Variants in IL1RAPL1 observed in about 807,000 individuals in gnomAD.
IL1RAPL1 encodes interleukin 1 receptor accessory protein like 1.
IL1RAPL1 carries 3 observed loss-of-function variants against 48.4 expected under a neutral mutation model. The observed-to-expected ratio is 0.06, with a 90% confidence interval of 0.03 to 0.16. The LOEUF (loss-of-function observed/expected upper bound fraction) is 0.16, where lower values mean the gene tolerates loss of function less well. IL1RAPL1 is among the 10% of genes least tolerant of loss of function. The pLI is 1.00. For missense variants in IL1RAPL1, 349 were observed against 530.6 expected (o/e 0.66, Z 3.36); for synonymous variants, 185 against 187.7 (o/e 0.99, Z 0.12).
chrX:28,888,466 C>G (rs181379782), intron 2 of IL1RAPL1, among the ~76,000 whole-genome samples: 1 of 110,998 alleles, frequency 9.0e-6, no homozygotes, highest in East Asian at 2.8e-4. Context: ...TGTCTGGTCT[C>G]GTTTTGATAT....
intron 6 of IL1RAPL1, among the ~76,000 whole-genome samples, chrX:29,718,626 T>C (rs1401904221): frequency 2.2e-5 from 2 of 90,304 alleles, no homozygotes; most frequent in Non-Finnish European, 2.1e-5. Flanking sequence ...AAAAAAAGAA[T>C]GTGCTCTCAG....
At chrX:28,934,501 G>T (rs1405140941) in intron 2 of IL1RAPL1, among the ~76,000 whole-genome samples, 1 of 110,693 alleles carries the variant, frequency 9.0e-6, no homozygotes, top group Non-Finnish European at 1.9e-5. Flanking sequence ...ACCCCCAAAT[G>T]AAACAATGTA....
chrX:29,256,606 A>G (rs992636033), intron 2 of IL1RAPL1, among the ~76,000 whole-genome samples: 4 of 111,732 alleles, frequency 3.6e-5, no homozygotes, highest in Admixed American at 9.5e-5. Context: ...TAGAGCTACT[A>G]TAAGTAGTCT....
intron 3 of IL1RAPL1, among the ~76,000 whole-genome samples, chrX:29,335,273 CGGA>C (rs1391234391): frequency 1.3e-4 from 2 of 15,730 alleles, no homozygotes; most frequent in African/African-American, 2.2e-4. Context: ...GAGACGGAGA[CGGA>C]GAGGGGAGAG....
At chrX:29,174,190 C>A (rs1003483374) in intron 2 of IL1RAPL1, among the ~76,000 whole-genome samples, 2 of 111,318 alleles carry the variant, frequency 1.8e-5, no homozygotes, top group African/African-American at 3.3e-5. Flanking sequence ...TCCCAAAGTG[C>A]TGGGATTACA....
At chrX:29,912,082 TATTTCTATA>T (rs1932761214) in intron 6 of IL1RAPL1, among the ~76,000 whole-genome samples, 1 of 112,194 alleles carries the variant, frequency 8.9e-6, no homozygotes, top group African/African-American at 3.2e-5. Flanking sequence ...ATTTTTTTTG[TATTTCTATA>T]ATTTAATTTT....
At chrX:29,398,489 C>G (rs1316270931) in intron 4 of IL1RAPL1, among the ~76,000 whole-genome samples, 1 of 111,665 alleles carries the variant, frequency 9.0e-6, no homozygotes, top group African/African-American at 3.2e-5. Flanking sequence ...AATTCAGAGA[C>G]CATAATTTGC....
intron 1 of IL1RAPL1, among the ~76,000 whole-genome samples, chrX:28,632,790 A>G (rs746097747): frequency 2.4e-4 from 27 of 110,616 alleles, no homozygotes; most frequent in African/African-American, 6.9e-4. Flanking sequence ...TTTAATATCT[A>G]TCTTTATACA....
intron 5 of IL1RAPL1, among the ~76,000 whole-genome samples, chrX:29,637,617 C>G (rs1185886737): frequency 9.0e-6 from 1 of 111,300 alleles, no homozygotes; most frequent in Non-Finnish European, 1.9e-5. Flanking sequence ...TTTCCTTGAT[C>G]TCTTTAAGCC....
At chrX:29,154,966 C>T (rs755536383) in intron 2 of IL1RAPL1, among the ~76,000 whole-genome samples, 1 of 110,325 alleles carries the variant, frequency 9.1e-6, no homozygotes, top group East Asian at 2.8e-4. Context: ...AATTACTTAG[C>T]TGGCTAGAGT....
chrX:29,312,005 A>G (rs1932732229), intron 3 of IL1RAPL1, among the ~76,000 whole-genome samples: 1 of 112,130 alleles, frequency 8.9e-6, no homozygotes, highest in Non-Finnish European at 1.9e-5. Context: ...AGATTAATCA[A>G]GAGATAATTA....
intron 2 of IL1RAPL1, among the ~76,000 whole-genome samples, chrX:29,025,657 A>G (rs888958922): frequency 3.6e-5 from 4 of 112,049 alleles, no homozygotes; most frequent in Non-Finnish European, 7.5e-5. Flanking sequence ...ATAAATTATT[A>G]CTAAAATCAG....
At chrX:29,130,140 C>G (rs1459998597) in intron 2 of IL1RAPL1, among the ~76,000 whole-genome samples, 1 of 111,709 alleles carries the variant, frequency 9.0e-6, no homozygotes, top group Non-Finnish European at 1.9e-5. Context: ...TTTCTACAAG[C>G]TCTTGTGTTT....
chrX:29,280,226 CTG>C (rs974614411), intron 2 of IL1RAPL1, among the ~76,000 whole-genome samples: 1 of 111,877 alleles, frequency 8.9e-6, no homozygotes, highest in Non-Finnish European at 1.9e-5. Flanking sequence ...TTGGACATCT[CTG>C]TGTAGTTTTT....
Position 28,903,918 on chromosome X carries a change from A to G in IL1RAPL1, c.82+114493A>G, listed in dbSNP as rs185857532. ...AACTAATGAATAAAATTACATGTGT[A>G]TATATGTATCTGATATATATAACCA... On this transcript the variant is annotated intron_variant, in intron 2 of 10. Transcript: ENST00000378993. Among the ~76,000 whole-genome samples the G allele has an allele frequency of 3.9e-3, 429 of 110,089 alleles. 4 individuals are homozygous for G. The highest frequency in any genetic ancestry group is 0.013 in the African/African-American group (407 of 30,458).
intron 1 of IL1RAPL1, among the ~76,000 whole-genome samples, chrX:28,720,414 G>T (rs1485391116): frequency 8.9e-6 from 1 of 111,803 alleles, no homozygotes; most frequent in Admixed American, 9.5e-5. Context: ...ATACATGTTA[G>T]CTGATTTTGA....
At chrX:28,747,433 G>A (rs1206598450) in intron 1 of IL1RAPL1, among the ~76,000 whole-genome samples, 2 of 110,939 alleles carry the variant, frequency 1.8e-5, no homozygotes, top group South Asian at 3.9e-4. Flanking sequence ...TTGAGGCCAG[G>A]AGTTCAAGAC....
chrX:29,424,503 T>TAAC (rs1266045707), intron 5 of IL1RAPL1, among the ~76,000 whole-genome samples: 1 of 111,425 alleles, frequency 9.0e-6, no homozygotes, highest in African/African-American at 3.3e-5. Flanking sequence ...GACAGAATGT[T>TAAC]AACCGTCTTT....
chrX:29,506,689 C>T (rs1483609860), intron 5 of IL1RAPL1, among the ~76,000 whole-genome samples: 3 of 109,871 alleles, frequency 2.7e-5, no homozygotes, highest in Non-Finnish European at 3.8e-5. Flanking sequence ...CAGTATAGTA[C>T]TGCTGAATGG....
Sources: gnomAD v4.1 joint callset for allele counts (sites outside exome capture counted in the v4.1 genomes callset) on GRCh38, gnomAD v4.1.1 for gene constraint, MANE v1.5 for transcripts, NCBI Gene and HGNC (gene_info 2026-07-23, HGNC 2026-07-21) for gene names.